The following KLF12 variants were observed in gnomAD, a reference collection of about 807,000 sequenced individuals.
The protein encoded by KLF12 is Krueppel-like factor 12.
Under a neutral mutation model 37.8 loss-of-function variants are expected in KLF12, and 9 were observed. The ratio of observed to expected loss-of-function variants is 0.24; its 90% CI spans 0.14 to 0.42. The LOEUF is 0.42. Among genes scored for constraint, KLF12 ranks in the 10% least tolerant of loss-of-function variants. KLF12 has a pLI of 1.00. For synonymous variants in KLF12, 208 were observed against 202.1 expected (o/e 1.03, Z -0.25); for missense variants, 411 against 516.0 (o/e 0.80, Z 1.97).
intron 3 of KLF12, among the ~76,000 whole-genome samples, chr13:73,910,625 T>A (rs1019850546): frequency 4.6e-5 from 7 of 152,158 alleles, no homozygotes; most frequent in Non-Finnish European, 1.0e-4. Flanking sequence ...AAGTTTTAGA[T>A]AACAGGAATA....
chr13:73,774,436 C>T (rs563419167), intron 5 of KLF12, among the ~76,000 whole-genome samples: 21 of 152,092 alleles, frequency 1.4e-4, no homozygotes, highest in African/African-American at 2.9e-4. Flanking sequence ...GGACCTGCAT[C>T]GGCCCACACC....
chr13:74,038,234 A>G (rs889845669), intron 1 of KLF12, among the ~76,000 whole-genome samples: 1 of 151,910 alleles, frequency 6.6e-6, no homozygotes, highest in African/African-American at 2.4e-5. Flanking sequence ...TGTCTGAGGA[A>G]TGGGAGGGGG....
intron 2 of KLF12, among the ~76,000 whole-genome samples, chr13:73,979,876 T>C (rs1472886167): frequency 6.6e-6 from 1 of 152,036 alleles, no homozygotes; most frequent in East Asian, 1.9e-4. Flanking sequence ...GTCATATGGG[T>C]AGATCCTACT....
Position 73,843,090 on chromosome 13 carries a change from T to C in KLF12, c.670+2737A>G, listed in dbSNP as rs141498858. Among the ~76,000 whole-genome samples, 47 of 152,360 alleles carry C rather than the reference T, an allele frequency of 3.1e-4. No individual in the cohort carries two copies. In the East Asian group the frequency reaches 8.7e-3, roughly 28 times the overall value. On this transcript the variant is annotated intron_variant, in intron 4 of 7. Coordinates refer to ENST00000377669, the MANE Select transcript of KLF12 (RefSeq NM_007249.5). ...ATACTAAACTCTCATCCCTTATAAT[T>C]TGTTATTGTAAAAACTTTGAGAAGC...
intron 5 of KLF12, among the ~76,000 whole-genome samples, chr13:73,799,680 TGATTA>T (rs1882182772): frequency 6.6e-6 from 1 of 152,170 alleles, no homozygotes. Context: ...TTTAACCTTT[TGATTA>T]AAGAAGTCAT....
intron 3 of KLF12, among the ~76,000 whole-genome samples, chr13:73,903,929 A>G (rs1002131029): frequency 4.6e-5 from 7 of 151,672 alleles, no homozygotes; most frequent in Admixed American, 3.9e-4. Context: ...ACCATCTTCC[A>G]CTCCCACACC....
At chr13:73,893,420 C>T (rs889514671) in intron 3 of KLF12, among the ~76,000 whole-genome samples, 3 of 122,930 alleles carry the variant, frequency 2.4e-5, no homozygotes, top group Non-Finnish European at 3.2e-5. Flanking sequence ...CTCACTCTTT[C>T]GCCCAGGCTA....
At chr13:73,719,709 C>T (rs1876093872) in intron 6 of KLF12, among the ~76,000 whole-genome samples, 1 of 151,358 alleles carries the variant, frequency 6.6e-6, no homozygotes, top group South Asian at 2.1e-4. Flanking sequence ...CTCTAGTGAT[C>T]CTCCCCCTCA....
At chr13:74,275,717 A>G in the KLF12 span, among the ~76,000 whole-genome samples, 1 of 149,568 alleles carries the variant, frequency 6.7e-6, no homozygotes, top group Non-Finnish European at 1.5e-5. Flanking sequence ...TTTTTTCTAG[A>G]CACAGGGTCT....
At chr13:73,991,215 T>C (rs1280868872) in intron 2 of KLF12, among the ~76,000 whole-genome samples, 1 of 152,200 alleles carries the variant, frequency 6.6e-6, no homozygotes, top group African/African-American at 2.4e-5. Flanking sequence ...AGTCTATTGA[T>C]GTGGCTCAAT....
intron 6 of KLF12, among the ~76,000 whole-genome samples, chr13:73,716,221 T>A (rs1875792783): frequency 6.6e-6 from 1 of 152,234 alleles, no homozygotes; most frequent in African/African-American, 2.4e-5. Flanking sequence ...TTGTTTAATC[T>A]GAATGCCCCA....
intron 2 of KLF12, among the ~76,000 whole-genome samples, chr13:73,964,653 C>A (rs1030892053): frequency 6.6e-6 from 1 of 150,534 alleles, no homozygotes; most frequent in African/African-American, 2.5e-5. Context: ...TTAGTGTATA[C>A]CCGAAAGCTT....
intron 1 of KLF12, among the ~76,000 whole-genome samples, chr13:74,096,400 G>A (rs1875989329): frequency 1.3e-5 from 2 of 152,076 alleles, no homozygotes; most frequent in African/African-American, 4.8e-5. Flanking sequence ...TCTCTCTCCA[G>A]CACAGAAAAC....
chr13:73,901,781 C>T (rs777805706), intron 3 of KLF12, among the ~76,000 whole-genome samples: 3 of 152,140 alleles, frequency 2.0e-5, no homozygotes, highest in Non-Finnish European at 2.9e-5. Context: ...GTATCATCCA[C>T]AGTTGTAAAA....
chr13:74,125,866 G>A (rs1398887561), intron 1 of KLF12, among the ~76,000 whole-genome samples: 2 of 152,096 alleles, frequency 1.3e-5, no homozygotes, highest in Non-Finnish European at 2.9e-5. Flanking sequence ...TCTACAGTAA[G>A]GCTAACTCTG....
rs565395190 is a variant in KLF12, at chr13:73,950,542, C to A, written c.34-6472G>T. Among the ~76,000 whole-genome samples, 32 of 152,296 alleles carry A rather than the reference C, an allele frequency of 2.1e-4. No individual in the cohort carries two copies. The South Asian group carries it at 6.6e-3, about 32-fold the overall frequency. On this transcript the variant is annotated intron_variant, in intron 2 of 7. Coordinates refer to ENST00000377669, the MANE Select transcript of KLF12 (RefSeq NM_007249.5). ...GGGGTTGTGAGTTGGCTAAATCTTTCCTTAAATATTCAGTGAGGGCCTCTA... is the reference window on the plus strand; with the variant it reads ...GGGGTTGTGAGTTGGCTAAATCTTTACTTAAATATTCAGTGAGGGCCTCTA...
chr13:73,783,185 T>TG (rs1881083575), intron 5 of KLF12, among the ~76,000 whole-genome samples: 1 of 151,732 alleles, frequency 6.6e-6, no homozygotes, highest in Admixed American at 6.6e-5. Flanking sequence ...GCAACATGCA[T>TG]GGAACTGAGG....
At position 74,018,455 on chromosome 13, in the gene KLF12, C is replaced by CA; in HGVS notation, c.-31-23403dup. On this transcript the variant is annotated intron_variant, in intron 1 of 7. Transcript: ENST00000377669. ...CTAAGTGACATTAAAGTGTTCTCTC[C>CA]AAAAAACAGTAACTATGTGAGGTAA... Among the ~76,000 whole-genome samples, 3 of 152,064 alleles carry CA rather than the reference C, an allele frequency of 2.0e-5. 1 individual carries two copies. The East Asian group carries it at 5.8e-4, about 29-fold the overall frequency.
chr13:74,294,694 T>A, the KLF12 span, among the ~76,000 whole-genome samples: 1 of 152,098 alleles, frequency 6.6e-6, no homozygotes, highest in Non-Finnish European at 1.5e-5. Context: ...CTTGTAACTG[T>A]GTTAAGAGAT....
Sources: gnomAD v4.1 joint callset for allele counts (sites outside exome capture counted in the v4.1 genomes callset) on GRCh38, gnomAD v4.1.1 for gene constraint, MANE v1.5 for transcripts, NCBI Gene and HGNC (gene_info 2026-07-23, HGNC 2026-07-21) for gene names.